Variants in CHI3L2 observed in about 807,000 individuals in gnomAD.
The protein encoded by CHI3L2 is chitinase-3-like protein 2.
CHI3L2 carries 47 observed loss-of-function variants against 47.3 expected under a neutral mutation model. The observed-to-expected ratio is 0.99, with a 90% CI of 0.79 to 1.27. CHI3L2 has a LOEUF of 1.27. Ranked by LOEUF, CHI3L2 falls within the 50% of genes most tolerant of loss-of-function variation. The pLI is 0.00. For synonymous variants in CHI3L2, 198 were observed against 169.9 expected, an observed-to-expected ratio of 1.17 and a Z score of -1.28; for missense variants, 497 against 462.1, an observed-to-expected ratio of 1.08 and a Z score of -0.69.
intron 7 of CHI3L2, among the ~76,000 whole-genome samples, chr1:111,237,691 C>G (rs1275150916): frequency 1.3e-5 from 2 of 152,180 alleles, no homozygotes; most frequent in African/African-American, 2.4e-5. Context: ...CAGCCTCTTA[C>G]CTCCCAATCT....
intron 8 of CHI3L2, among the ~76,000 whole-genome samples, chr1:111,240,654 T>G (rs1043476391): frequency 3.3e-5 from 5 of 152,248 alleles, no homozygotes; most frequent in Non-Finnish European, 5.9e-5. Context: ...AGCACGAATG[T>G]AGTTCATCCA....
Position 111,230,788 on chromosome 1 carries a change from C to A in CHI3L2, c.117C>A (p.Asp39Glu). The change falls in exon 3 of 11, where the codon GAC becomes GAA. Residue 39 changes from aspartate (D) to glutamate (E), a missense_variant. Coordinates refer to ENST00000369748, the MANE Select transcript of CHI3L2 (RefSeq NM_004000.3). ...GCTACTTTACCAACTGGTCCCAGGA[C>A]CGGCAGGAACCAGGAAAATTCACCC... ...LVCYFTNWSQDRQEPGKFTPE... is the reference protein window; with the variant it reads ...LVCYFTNWSQERQEPGKFTPE... The A allele has an allele frequency of 6.2e-7, 1 of 1,614,130 alleles. No individual in the cohort carries two copies.
chr1:111,231,129 C>G, intron 3 of CHI3L2, 109 bp from the exon 4 acceptor site: 1 of 1,068,658 alleles, frequency 9.4e-7, no homozygotes. Context: ...TTAGTTCAAA[C>G]AGCCAGGCCC....
Position 111,231,131 on chromosome 1 carries a change from G to C in CHI3L2, c.273-107G>C, listed in dbSNP as rs148268938. 7 of 1,077,950 alleles carry C rather than the reference G, an allele frequency of 6.5e-6. No homozygotes were observed. The African/African-American group carries it at 1.1e-4, about 17-fold the overall frequency. The allele number at this position is 1,077,950 out of a possible 1,614,324, so 66.8% of individuals were successfully genotyped here. ...ACTGAACTTCACTTTAGTTCAAACA[G>C]CCAGGCCCTAATTGTCCATTTTCTC... On this transcript the variant is annotated intron_variant, in intron 3 of 10. Transcript: ENST00000369748.
At chr1:111,238,644 A>G in intron 7 of CHI3L2, 106 bp from the exon 8 acceptor site, 3 of 1,218,244 alleles carry the variant, frequency 2.5e-6, no homozygotes, top group Non-Finnish European at 3.6e-6. Flanking sequence ...CGGATGTAGA[A>G]AAGAAACCAG....
At chr1:111,235,193 C>A in intron 5 of CHI3L2, 136 bp downstream of exon 5, 1 of 820,712 alleles carries the variant, frequency 1.2e-6, no homozygotes, top group South Asian at 2.0e-5. Flanking sequence ...TTCTGAAGCT[C>A]CCACTAATGA....
intron 5 of CHI3L2, among the ~76,000 whole-genome samples, chr1:111,235,374 G>A (rs941332331): frequency 7.2e-5 from 11 of 152,186 alleles, no homozygotes; most frequent in Admixed American, 2.6e-4. Context: ...TGGCCTCACA[G>A]AAGATCTATC....
rs377090808 is a variant in CHI3L2 at position 111,242,226 on chromosome 1, G to T, written c.1036-1G>T. 5.0e-6 allele frequency: 8 copies of T among 1,613,960 alleles called. No individual in the cohort carries two copies. The African/African-American group carries it at 1.1e-4, about 22-fold the overall frequency. On this transcript the variant is annotated splice_acceptor_variant, in intron 9 of 10. Coordinates refer to ENST00000369748, the MANE Select transcript of CHI3L2 (RefSeq NM_004000.3). LOFTEE classifies it high-confidence loss of function. ...TGTGTATCCTTCTGTGTCTCCCATAGGTTCAGTTCTTAAAGAATTTAAACC... is the reference window on the plus strand; with the variant it reads ...TGTGTATCCTTCTGTGTCTCCCATATGTTCAGTTCTTAAAGAATTTAAACC...
In CHI3L2 at chr1:111,235,035, C is replaced by T. The variant is rs369945883; in HGVS notation, c.458C>T (p.Thr153Ile). The T allele has an allele frequency of 4.3e-6, 7 of 1,613,890 alleles. No homozygotes were observed. The South Asian group carries it at 4.4e-5, about 10-fold the overall frequency. ...ATCTACCCAGATCAGAAAGAAAACA[C>T]TCATTTCACTGTGCTGATTCATGTA... ...SWIYPDQKEN[T>I]HFTVLIHELA... The change falls in exon 5 of 11, where the codon ACT becomes ATT. Residue 153 changes from threonine to isoleucine, a missense_variant. By Grantham distance (89) the Thr-to-Ile change is moderately conservative. Transcript: ENST00000369748.
In CHI3L2 at chr1:111,238,854, C is replaced by G; in HGVS notation, c.840C>G (p.Thr280=). Residue 280 remains threonine, a synonymous_variant, in exon 8 of 11, where the codon ACC becomes ACG. Transcript: ENST00000369748. ...GHSFTLASAE[T]TVGAPASGPG... The stretch of plus-strand genomic sequence containing the variant: ...CCTTCACACTGGCCTCTGCAGAAAC[C>G]ACCGTGGGGGCCCCTGCCTCTGGCC... The G allele has an allele frequency of 1.2e-6, 2 of 1,613,776 alleles. No individual in the cohort carries two copies. The highest frequency in any genetic ancestry group is 1.7e-6 in the Non-Finnish European group (2 of 1,179,850).
intron 10 of CHI3L2, among the ~76,000 whole-genome samples, chr1:111,242,936 A>T (rs951393772): frequency 6.6e-6 from 1 of 152,130 alleles, no homozygotes; most frequent in East Asian, 1.9e-4. Flanking sequence ...TGCGTTGTAT[A>T]TCCTCCTGTG....
intron 7 of CHI3L2, among the ~76,000 whole-genome samples, chr1:111,238,228 A>T (rs1659939421): frequency 6.6e-6 from 1 of 152,224 alleles, no homozygotes; most frequent in Non-Finnish European, 1.5e-5. Context: ...TGTCCTCAGG[A>T]TCTCCTGAGA....
chr1:111,236,266 G>A, intron 7 of CHI3L2, 113 bp downstream of exon 7: 2 of 1,199,600 alleles, frequency 1.7e-6, no homozygotes, highest in Non-Finnish European at 2.3e-6. Flanking sequence ...ATGAGCCCAA[G>A]AGGGAATTGG....
At chr1:111,243,166 G>A (rs41281394) in intron 10 of CHI3L2, 51 bp from the exon 11 acceptor site, 54 of 455,922 alleles carry the variant, frequency 1.2e-4, no homozygotes, top group Non-Finnish European at 2.1e-4. Flanking sequence ...ACTTGACTTA[G>A]GCCTCAGTTT....
intron 4 of CHI3L2, among the ~76,000 whole-genome samples, chr1:111,234,001 G>C (rs1422252212): frequency 3.3e-4 from 48 of 147,616 alleles, no homozygotes; most frequent in Non-Finnish European, 5.4e-4. Flanking sequence ...CAGCATGCTC[G>C]TTAAGAGTCA....
intron 9 of CHI3L2, among the ~76,000 whole-genome samples, chr1:111,241,743 G>T (rs891757706): frequency 4.0e-4 from 61 of 152,300 alleles, no homozygotes; most frequent in African/African-American, 1.5e-3. Flanking sequence ...TAAAGGAGAC[G>T]TTGGTGCCTG....
chr1:111,235,025 A>T lies in CHI3L2; in HGVS notation c.448A>T (p.Lys150Ter), dbSNP rs1435385201. The T allele has an allele frequency of 6.2e-7, 1 of 1,614,124 alleles. No homozygotes were observed. Among genetic ancestry groups the T allele is most frequent in the Admixed American group, 1.7e-5 (1 of 60,028 alleles). Reference protein sequence around the residue: ...LDVSWIYPDQKENTHFTVLIH... With the variant: ...LDVSWIYPDQ ...TGTAAGCTGGATCTACCCAGATCAG[A>T]AAGAAAACACTCATTTCACTGTGCT... Residue 150 changes from lysine to a stop codon, truncating the protein, a stop_gained, in exon 5 of 11, where the codon AAA becomes TAA. Transcript: ENST00000369748. LOFTEE classifies it high-confidence loss of function.
rs1436654902 is a variant in CHI3L2 at position 111,235,714 on chromosome 1, G to T, written c.556G>T (p.Ala186Ser). 1.2e-6 allele frequency: 2 copies of T among 1,614,096 alleles called. No homozygotes were observed. The highest frequency in any genetic ancestry group is 2.2e-5 in the East Asian group (1 of 44,908). The change falls in exon 6 of 11, where the codon GCA becomes TCA. Residue 186 changes from alanine (A) to serine (S), a missense_variant. Ala to Ser is a moderately conservative substitution (Grantham distance 99). Coordinates refer to ENST00000369748, the MANE Select transcript of CHI3L2 (RefSeq NM_004000.3). ...ERLLLTAGVS[A>S]GRQMIDNSYQ... ...GCTTCTCTTGACTGCGGGCGTATCT[G>T]CAGGGAGGCAAATGATTGATAACAG...
intron 4 of CHI3L2, among the ~76,000 whole-genome samples, chr1:111,233,190 C>T (rs1426682968): frequency 6.6e-6 from 1 of 152,116 alleles, no homozygotes; most frequent in African/African-American, 2.4e-5. Context: ...AGATGAAGCC[C>T]TTGAGGAGCT....
Sources: gnomAD v4.1 joint callset for allele counts (sites outside exome capture counted in the v4.1 genomes callset) on GRCh38, gnomAD v4.1.1 for gene constraint, MANE v1.5 for transcripts, NCBI Gene and HGNC (gene_info 2026-07-23, HGNC 2026-07-21) for gene names.